The following ARID1A variants were observed in gnomAD, a reference collection of about 807,000 sequenced individuals.
ARID1A encodes the protein AT-rich interactive domain-containing protein 1A.
ARID1A carries 20 observed loss-of-function variants against 212.6 expected under a neutral mutation model. The ratio of observed to expected loss-of-function variants is 0.09; its 90% CI spans 0.07 to 0.14. ARID1A has a LOEUF of 0.14. Among genes scored for constraint, ARID1A ranks in the 10% least tolerant of loss-of-function variants. ARID1A has a pLI of 1.00. For missense variants in ARID1A, 2,587 were observed against 3,059.0 expected (o/e 0.85, Z 3.64); for synonymous variants, 1,376 against 1,222.1 (o/e 1.13, Z -2.63).
chr1:26,725,164 T>C (rs2080604791), intron 1 of ARID1A, among the ~76,000 whole-genome samples: 1 of 152,190 alleles, frequency 6.6e-6, no homozygotes, highest in African/African-American at 2.4e-5. Context: ...TCCTCTGTCT[T>C]TCCCAGAGTG....
In ARID1A at chr1:26,774,552, C is replaced by A. The variant is rs1234879017; in HGVS notation, c.4325C>A (p.Ala1442Asp). 6.2e-7 allele frequency: 1 copy of A among 1,614,070 alleles called. No homozygotes were observed. Residue 1442 changes from alanine to aspartate, a missense_variant, in exon 18 of 20, where the codon GCT becomes GAT. Physicochemically the swap from Ala to Asp is moderately radical, Grantham distance 126. Coordinates refer to ENST00000324856, the MANE Select transcript of ARID1A (RefSeq NM_006015.6). The surrounding 1 kb of genome is among the most constrained non-coding windows in gnomAD (Gnocchi z 5.6). ...GNAYPATATA[A>D]TERRPAGGPQ... ...GCCTATCCTGCCACTGCCACAGCTG[C>A]TACTGAGCGCCGACCAGCAGGCGGC...
At chr1:26,727,722 T>C (rs1372672182) in intron 1 of ARID1A, 6 of 152,212 alleles carry the variant, frequency 3.9e-5, no homozygotes, top group Admixed American at 3.9e-4. Flanking sequence ...GCCCCTCATG[T>C]TGTGGGGAGA....
intron 1 of ARID1A, among the ~76,000 whole-genome samples, chr1:26,712,605 C>T (rs1021819927): frequency 6.6e-6 from 1 of 151,950 alleles, no homozygotes; most frequent in African/African-American, 2.4e-5. Context: ...GCAGGAGGAT[C>T]ACTTGAGCCC....
At position 26,697,023 on chromosome 1, in the gene ARID1A, T is replaced by C; in HGVS notation, c.620T>C (p.Phe207Ser). 6.5e-7 allele frequency: 1 copy of C among 1,535,186 alleles called. No homozygotes were observed. The highest frequency in any genetic ancestry group is 8.7e-7 in the Non-Finnish European group (1 of 1,145,040). Residue 207 changes from phenylalanine (F) to serine (S), a missense_variant, in exon 1 of 20, where the codon TTC becomes TCC. Coordinates refer to ENST00000324856, the MANE Select transcript of ARID1A (RefSeq NM_006015.6). ...GPQQNSHDHG[F>S]PNHQYNSYYP... ...CAGCAGAACTCTCACGACCACGGCT[T>C]CCCCAACCACCAGTACAACTCCTAC...
chr1:26,698,843 T>C (rs954692704), intron 1 of ARID1A, among the ~76,000 whole-genome samples: 1 of 152,342 alleles, frequency 6.6e-6, no homozygotes, highest in East Asian at 1.9e-4. Context: ...CAGTTTTTGT[T>C]ATTTTTTTTA....
At chr1:26,714,437 G>A (rs747403941) in intron 1 of ARID1A, among the ~76,000 whole-genome samples, 23 of 148,654 alleles carry the variant, frequency 1.5e-4, no homozygotes, top group East Asian at 5.8e-4. Flanking sequence ...TTTTTGAGAC[G>A]GAATCTCGTT....
chr1:26,767,220 G>A (rs34201939), intron 10 of ARID1A, among the ~76,000 whole-genome samples: 5 of 152,142 alleles, frequency 3.3e-5, no homozygotes, highest in South Asian at 2.1e-4. Flanking sequence ...TTTTGACCAC[G>A]TTCCTGTCTT....
At chr1:26,754,783 C>T (rs2080914305) in intron 4 of ARID1A, among the ~76,000 whole-genome samples, 1 of 152,172 alleles carries the variant, frequency 6.6e-6, no homozygotes, top group African/African-American at 2.4e-5. Flanking sequence ...ATGACCTAAG[C>T]ATGTAATCCA....
At chr1:26,746,307 G>A (rs950660026) in intron 4 of ARID1A, among the ~76,000 whole-genome samples, 3 of 152,218 alleles carry the variant, frequency 2.0e-5, no homozygotes, top group South Asian at 2.1e-4. Flanking sequence ...GAACTCAGTT[G>A]TTGTAGTGAC....
rs532308673 is a variant in ARID1A at position 26,753,327 on chromosome 1, C to G, written c.1921-7529C>G. 5.9e-5 allele frequency: 9 copies of G among 152,420 alleles called. No homozygotes were observed. The East Asian group carries it at 1.7e-3, about 29-fold the overall frequency. 9.4% of individuals were successfully genotyped at this position (152,420 alleles called of 1,614,324 possible). On this transcript the variant is annotated intron_variant, in intron 4 of 19. Transcript: ENST00000324856. ...GCTGAGTTCTGTTTGTTAGCAGAGC[C>G]TGACAAACTCATGCTGGCACTCACT... is the stretch of plus-strand genomic sequence containing the variant.
Position 26,763,274 on chromosome 1 carries a change from T to C in ARID1A, c.2721T>C (p.Ser907=), listed in dbSNP as rs1003351628. 5.6e-6 allele frequency: 9 copies of C among 1,603,570 alleles called. No individual in the cohort carries two copies. The African/African-American group carries it at 1.2e-4, about 21-fold the overall frequency. Residue 907 remains serine (S), a synonymous_variant, in exon 8 of 20, where the codon TCT becomes TCC. Transcript: ENST00000324856. The part of the protein sequence containing the change: ...TAVAMHVAAN[S]IQNRPPGYPN... The stretch of plus-strand genomic sequence containing the variant: ...TCGCCATGCATGTTGCTGCCAACTC[T>C]ATCCAAAACAGGTAAGGCCTGGGAA...
chr1:26,767,064 C>A (rs906382054), intron 10 of ARID1A, among the ~76,000 whole-genome samples: 1 of 152,150 alleles, frequency 6.6e-6, no homozygotes. Context: ...TTAGGCTGTG[C>A]GGTAGTAAAG....
At chr1:26,733,378 G>C (rs1483238186) in intron 4 of ARID1A, among the ~76,000 whole-genome samples, 1 of 152,118 alleles carries the variant, frequency 6.6e-6, no homozygotes, top group East Asian at 1.9e-4. Flanking sequence ...TAGTGATTAA[G>C]AACTTGGGCT....
intron 4 of ARID1A, among the ~76,000 whole-genome samples, chr1:26,734,629 G>C (rs2080711963): frequency 1.3e-5 from 2 of 152,110 alleles, no homozygotes; most frequent in South Asian, 4.1e-4. Flanking sequence ...CTTGTTTTTT[G>C]AATTGCTTTT....
chr1:26,711,615 T>C (rs2080455191), intron 1 of ARID1A, among the ~76,000 whole-genome samples: 1 of 152,250 alleles, frequency 6.6e-6, no homozygotes, highest in South Asian at 2.1e-4. Flanking sequence ...ACTTTTGAGA[T>C]GGACCTTTAC....
At chr1:26,748,051 C>G (rs2080853687) in intron 4 of ARID1A, among the ~76,000 whole-genome samples, 1 of 152,148 alleles carries the variant, frequency 6.6e-6, no homozygotes, top group Non-Finnish European at 1.5e-5. Flanking sequence ...ACCCTCTCCC[C>G]CTAAATATTT....
At chr1:26,710,490 TACATACACACACACAC>T (rs944075711) in intron 1 of ARID1A, among the ~76,000 whole-genome samples, 4 of 9,676 alleles carry the variant, frequency 4.1e-4, no homozygotes, top group Admixed American at 1.5e-3. Context: ...AATAAAATAA[TACATACACACACACAC>T]ACACACACAC....
chr1:26,719,802 A>T (rs764579142), intron 1 of ARID1A, among the ~76,000 whole-genome samples: 9 of 151,790 alleles, frequency 5.9e-5, no homozygotes, highest in Non-Finnish European at 1.0e-4. Context: ...TTAGCCGGGC[A>T]TGGTGACATG....
chr1:26,735,015 T>G (rs902826333), intron 4 of ARID1A, among the ~76,000 whole-genome samples: 1 of 152,202 alleles, frequency 6.6e-6, no homozygotes, highest in Non-Finnish European at 1.5e-5. Flanking sequence ...CTGTGCTCAG[T>G]TATTGATGCC....
Sources: allele counts gnomAD v4.1 joint callset (sites outside exome capture counted in the v4.1 genomes callset), GRCh38; gene constraint gnomAD v4.1.1; non-coding constraint Gnocchi (gnomAD v3.1); transcripts MANE v1.5; gene names NCBI Gene and HGNC (gene_info 2026-07-23, HGNC 2026-07-21).